The following CHN1 variants were observed in gnomAD, a reference collection of about 807,000 sequenced individuals.
CHN1 encodes the protein N-chimaerin.
CHN1 carries 37 observed loss-of-function variants against 59.5 expected under a neutral mutation model. The observed-to-expected ratio is 0.62, with a 90% CI of 0.48 to 0.82. CHN1 has a LOEUF of 0.82. CHN1 is among the 40% of genes least tolerant of loss of function. CHN1 has a pLI of 0.00. For synonymous variants in CHN1, 206 were observed against 200.4 expected (o/e 1.03, Z -0.24); for missense variants, 469 against 571.0 (o/e 0.82, Z 1.82).
At chr2:174,879,277 T>C (rs1199239872) in intron 5 of CHN1, among the ~76,000 whole-genome samples, 1 of 152,170 alleles carries the variant, frequency 6.6e-6, no homozygotes, top group Non-Finnish European at 1.5e-5. Flanking sequence ...CATCTTAATG[T>C]GGAAATAAAG....
At chr2:174,947,178 G>C (rs1308073716) in intron 2 of CHN1, among the ~76,000 whole-genome samples, 1 of 152,088 alleles carries the variant, frequency 6.6e-6, no homozygotes, top group East Asian at 1.9e-4. Flanking sequence ...GTTATCAGCA[G>C]TAAGCATTTG....
chr2:174,961,774 C>T (rs1330175650), intron 1 of CHN1, among the ~76,000 whole-genome samples: 2 of 152,096 alleles, frequency 1.3e-5, no homozygotes, highest in Non-Finnish European at 1.5e-5. Context: ...ATATCTACAT[C>T]TGTTGTTATA....
Position 174,897,515 on chromosome 2 carries a change from T to TA in CHN1, c.260+17542dup, listed in dbSNP as rs10711155. On this transcript the variant is annotated intron_variant, in intron 5 of 12. Coordinates refer to ENST00000409900, the MANE Select transcript of CHN1 (RefSeq NM_001822.7). Reference sequence around the variant, plus strand: ...GTGTTTGTTCTATTGGCAGGATAGTTAAAAAAAAAAAAAATCAAAATACCC... The same window carrying TA: ...GTGTTTGTTCTATTGGCAGGATAGTTAAAAAAAAAAAAAAATCAAAATACCC... Among the ~76,000 whole-genome samples, 1,119 of 145,886 alleles carry TA rather than the reference T, an allele frequency of 7.7e-3. 27 individuals are homozygous for TA. The highest frequency in any genetic ancestry group is 0.017 in the South Asian group (78 of 4,544).
chr2:174,854,358 G>C (rs1442049369), intron 6 of CHN1, among the ~76,000 whole-genome samples: 1 of 151,876 alleles, frequency 6.6e-6, no homozygotes, highest in African/African-American at 2.4e-5. Flanking sequence ...AGCAGTGTGA[G>C]GAATAAGAAA....
chr2:174,981,805 T>C (rs1455837850), intron 1 of CHN1, among the ~76,000 whole-genome samples: 2 of 152,170 alleles, frequency 1.3e-5, no homozygotes, highest in African/African-American at 4.8e-5. Context: ...ATTTTTTTTT[T>C]ATTATTATAC....
At chr2:174,964,287 T>C (rs1342701206) in intron 1 of CHN1, among the ~76,000 whole-genome samples, 1 of 152,204 alleles carries the variant, frequency 6.6e-6, no homozygotes, top group Admixed American at 6.5e-5. Context: ...AGGAGAGAAG[T>C]TACCTTATTA....
At chr2:174,853,179 T>G (rs1001685785) in intron 6 of CHN1, among the ~76,000 whole-genome samples, 1 of 152,080 alleles carries the variant, frequency 6.6e-6, no homozygotes, top group Admixed American at 6.6e-5. Context: ...GGAAAAATAT[T>G]TGCAAACTAT....
Position 175,004,907 on chromosome 2 carries a change from G to A in CHN1, c.6C>T (p.Ala2=), listed in dbSNP as rs1029104223. The change falls in exon 1 of 13, where the codon GCC becomes GCT. Residue 2 remains alanine (A), a synonymous_variant. Coordinates refer to ENST00000409900, the MANE Select transcript of CHN1 (RefSeq NM_001822.7). ...GGCTGCACTTACCAAACAGGGTCAG[G>A]GCCATTGTAAAGGCGCTCGCCGCCG... is the stretch of plus-strand genomic sequence containing the variant. M[A]LTLFDTDEYR... is the part of the protein sequence containing the mutation. 3 of 1,538,192 alleles carry A rather than the reference G, an allele frequency of 2.0e-6. No homozygotes were observed. Among genetic ancestry groups the A allele is most frequent in the African/African-American group, 1.4e-5 (1 of 70,908 alleles).
At chr2:174,975,609 C>G (rs1690897398) in intron 1 of CHN1, among the ~76,000 whole-genome samples, 1 of 149,220 alleles carries the variant, frequency 6.7e-6, no homozygotes, top group Non-Finnish European at 1.5e-5. Context: ...TCCATAAGCT[C>G]TTTTAATTTA....
At chr2:174,870,777 A>G (rs1325838631) in intron 6 of CHN1, among the ~76,000 whole-genome samples, 1 of 152,216 alleles carries the variant, frequency 6.6e-6, no homozygotes, top group Admixed American at 6.5e-5. Flanking sequence ...CAAAATAAAG[A>G]CTTTGAAGTA....
chr2:174,939,714 A>T (rs1257667065), intron 3 of CHN1, among the ~76,000 whole-genome samples: 1 of 152,208 alleles, frequency 6.6e-6, no homozygotes, highest in Non-Finnish European at 1.5e-5. Flanking sequence ...TAGCATTTTT[A>T]AAATTCCCAT....
intron 1 of CHN1, among the ~76,000 whole-genome samples, chr2:174,995,417 C>T (rs1201397835): frequency 6.6e-6 from 1 of 152,166 alleles, no homozygotes. Context: ...TTTTTGGCAC[C>T]AGTGACCGGT....
intron 5 of CHN1, among the ~76,000 whole-genome samples, chr2:174,894,838 A>C (rs914608938): frequency 2.0e-5 from 3 of 152,098 alleles, no homozygotes; most frequent in Admixed American, 6.6e-5. Flanking sequence ...AAAATATTAA[A>C]TGGAAAATTT....
intron 5 of CHN1, among the ~76,000 whole-genome samples, chr2:174,900,141 A>T (rs1688342397): frequency 6.6e-6 from 1 of 152,234 alleles, no homozygotes; most frequent in Admixed American, 6.5e-5. Flanking sequence ...AAAATAAATT[A>T]TTGGTGGATA....
chr2:174,926,056 T>C (rs1364740781), intron 3 of CHN1, among the ~76,000 whole-genome samples: 3 of 152,224 alleles, frequency 2.0e-5, no homozygotes, highest in South Asian at 2.1e-4. Context: ...CTACCATTAT[T>C]GAATGTGGCA....
intron 6 of CHN1, among the ~76,000 whole-genome samples, chr2:174,864,940 C>T (rs1248266967): frequency 6.6e-6 from 1 of 152,110 alleles, no homozygotes; most frequent in Non-Finnish European, 1.5e-5. Flanking sequence ...TACACAACCA[C>T]TAAGTCTAAA....
intron 5 of CHN1, among the ~76,000 whole-genome samples, chr2:174,896,233 G>A (rs13399962): frequency 0.058 from 8,836 of 152,006 alleles, 404 homozygotes; most frequent in African/African-American, 0.13. Context: ...GCTACATAAC[G>A]CATTAACTTC....
chr2:174,952,076 A>G (rs1690040173), intron 2 of CHN1, 88 bp downstream of exon 2: 1 of 823,962 alleles, frequency 1.2e-6, no homozygotes, highest in South Asian at 3.0e-5. Flanking sequence ...AATGGGTACA[A>G]AATGGAATGA....
chr2:174,889,583 G>T (rs948895893), intron 5 of CHN1, among the ~76,000 whole-genome samples: 1 of 151,830 alleles, frequency 6.6e-6, no homozygotes, highest in East Asian at 1.9e-4. Flanking sequence ...TACAATAAAT[G>T]GATTAAAAAG....
Sources: allele counts gnomAD v4.1 joint callset (sites outside exome capture counted in the v4.1 genomes callset), GRCh38; gene constraint gnomAD v4.1.1; transcripts MANE v1.5; gene names NCBI Gene and HGNC (gene_info 2026-07-23, HGNC 2026-07-21).